CSMD1: variants seen among roughly 807,000 people sequenced by gnomAD.
CSMD1 encodes the protein CUB and sushi domain-containing protein 1.
In CSMD1, 213 loss-of-function variants were observed where a neutral mutation model predicts 417.5. The observed-to-expected ratio is 0.51, with a 90% CI of 0.46 to 0.57. The LOEUF is 0.57. Ranked by LOEUF, CSMD1 falls within the 20% of genes least tolerant of loss-of-function variation. CSMD1 has a pLI of 0.00. For missense variants in CSMD1, 6,923 were observed against 4,529.7 expected (o/e 1.53, Z -15.17); for synonymous variants, 2,862 against 1,736.8 (o/e 1.65, Z -16.11).
intron 3 of CSMD1, among the ~76,000 whole-genome samples, chr8:4,393,676 A>G (rs1804013337): frequency 1.3e-5 from 2 of 152,166 alleles, no homozygotes; most frequent in South Asian, 4.1e-4. Flanking sequence ...TCACACTCCT[A>G]TACTATAATT....
At chr8:3,642,642 G>A (rs1015979202) in intron 7 of CSMD1, among the ~76,000 whole-genome samples, 1 of 152,090 alleles carries the variant, frequency 6.6e-6, no homozygotes, top group African/African-American at 2.4e-5. Context: ...GCAGGTTAAC[G>A]GACGGTCGAT....
At chr8:4,420,098 A>T (rs550148254) in intron 2 of CSMD1, 33 bp from the exon 3 acceptor site, 1 of 1,465,290 alleles carries the variant, frequency 6.8e-7, no homozygotes, top group Admixed American at 2.0e-5. Context: ...AAAGAGAGTT[A>T]AAAGCATGAA....
chr8:4,030,025 C>T (rs2263473), intron 4 of CSMD1, among the ~76,000 whole-genome samples: 139,399 of 152,282 alleles, frequency 0.92, 63,827 homozygotes, highest in East Asian at 0.99. Context: ...AAGAGGTGAG[C>T]TCCAACAGTC....
intron 5 of CSMD1, among the ~76,000 whole-genome samples, chr8:3,799,424 G>A (rs1206422927): frequency 8.4e-6 from 1 of 119,048 alleles, no homozygotes; most frequent in Non-Finnish European, 1.6e-5. Context: ...AGGCCTTAGT[G>A]TGTGATGTTC....
intron 2 of CSMD1, among the ~76,000 whole-genome samples, chr8:4,607,358 C>A (rs995891870): frequency 6.6e-6 from 1 of 152,060 alleles, no homozygotes; most frequent in South Asian, 2.1e-4. Flanking sequence ...GCTATTGATT[C>A]TGAGACAGGA....
intron 7 of CSMD1, among the ~76,000 whole-genome samples, chr8:3,676,944 G>C (rs1368676230): frequency 6.6e-6 from 1 of 152,018 alleles, no homozygotes; most frequent in African/African-American, 2.4e-5. Flanking sequence ...ATAAGTGGGA[G>C]TTAAACAATG....
intron 1 of CSMD1, among the ~76,000 whole-genome samples, chr8:4,692,800 C>T (rs1371938898): frequency 6.6e-6 from 1 of 152,182 alleles, no homozygotes; most frequent in African/African-American, 2.4e-5. Flanking sequence ...CCCTGGAATT[C>T]TCAAATTTTT....
At chr8:3,173,063 G>C (rs552999219) in intron 37 of CSMD1, among the ~76,000 whole-genome samples, 1 of 152,282 alleles carries the variant, frequency 6.6e-6, no homozygotes, top group East Asian at 1.9e-4. Flanking sequence ...AAACTCCAAA[G>C]ACTTGTGGAG....
chr8:4,084,276 G>A (rs1165938108), intron 3 of CSMD1, among the ~76,000 whole-genome samples: 15 of 149,222 alleles, frequency 1.0e-4, no homozygotes, highest in African/African-American at 3.0e-4. Flanking sequence ...ACAAAAATTG[G>A]AAAAATCTTT....
At position 3,205,799 on chromosome 8, in the gene CSMD1, G is replaced by T. The variant is rs112919600; in HGVS notation, c.4868-179C>A. Among the ~76,000 whole-genome samples, 490 of 152,208 alleles carry T rather than the reference G, an allele frequency of 3.2e-3. 5 individuals are homozygous for T. Among genetic ancestry groups the T allele is most frequent in the African/African-American group, 0.011 (457 of 41,528 alleles). On this transcript the variant is annotated intron_variant, in intron 30 of 69. Transcript: ENST00000635120. Reference sequence around the variant, plus strand: ...CATAGAAAGACAAAGATTTACCAGGGAAGAAGTAATCCAACTTAGGAGAAA... The same window carrying T: ...CATAGAAAGACAAAGATTTACCAGGTAAGAAGTAATCCAACTTAGGAGAAA...
chr8:4,876,281 A>G (rs1803038405), intron 1 of CSMD1, among the ~76,000 whole-genome samples: 1 of 152,096 alleles, frequency 6.6e-6, no homozygotes, highest in East Asian at 1.9e-4. Flanking sequence ...CATATGCTGC[A>G]ATCATTGCTT....
intron 2 of CSMD1, among the ~76,000 whole-genome samples, chr8:4,460,205 T>C (rs1033354113): frequency 6.6e-6 from 1 of 151,966 alleles, no homozygotes; most frequent in Admixed American, 6.6e-5. Context: ...TGAGAAATAA[T>C]AGAATACGTG....
At chr8:3,952,090 C>G (rs1473052321) in intron 5 of CSMD1, among the ~76,000 whole-genome samples, 7 of 152,184 alleles carry the variant, frequency 4.6e-5, no homozygotes, top group East Asian at 1.9e-4. Context: ...AAATAAAAAT[C>G]TTTAAATTTC....
At chr8:3,343,173 G>T in intron 23 of CSMD1, 121 bp downstream of exon 23, 1 of 756,600 alleles carries the variant, frequency 1.3e-6, no homozygotes, top group Non-Finnish European at 2.2e-6. Flanking sequence ...GAATTAAACT[G>T]CAATCAAAAA....
At chr8:4,722,182 C>A (rs1220356353) in intron 1 of CSMD1, among the ~76,000 whole-genome samples, 2 of 152,040 alleles carry the variant, frequency 1.3e-5, no homozygotes, top group African/African-American at 4.8e-5. Flanking sequence ...CACACACATG[C>A]TGACTATGGG....
chr8:2,999,408 C>A, intron 53 of CSMD1, among the ~76,000 whole-genome samples: 1 of 152,288 alleles, frequency 6.6e-6, no homozygotes, highest in East Asian at 1.9e-4. Flanking sequence ...CCTGCCTCAG[C>A]CTCCCAAAGT....
rs117456556 is a variant in CSMD1, at chr8:4,726,507, T to G, written c.86-88949A>C. Among the ~76,000 whole-genome samples the G allele has an allele frequency of 7.8e-3, 1,195 of 152,280 alleles. 7 individuals carry two copies. The highest frequency in any genetic ancestry group is 0.024 in the Middle Eastern group (7 of 294). ...CTTCGTTTTTCAAATAAGACCTCAA[T>G]GGACAGGGCTTTAATGAGAATACAA... is the stretch of plus-strand genomic sequence containing the variant. On this transcript the variant is annotated intron_variant, in intron 1 of 69. Coordinates refer to ENST00000635120, the MANE Select transcript of CSMD1 (RefSeq NM_033225.6).
chr8:4,607,404 C>G (rs991242330), intron 2 of CSMD1, among the ~76,000 whole-genome samples: 1 of 152,040 alleles, frequency 6.6e-6, no homozygotes, highest in Admixed American at 6.6e-5. Flanking sequence ...TAGAAAATTG[C>G]AGGCAACAAC....
intron 12 of CSMD1, among the ~76,000 whole-genome samples, chr8:3,439,309 A>ATATTTT: frequency 0.014 from 868 of 62,300 alleles, 21 homozygotes; most frequent in East Asian, 0.034. Flanking sequence ...ATATATATAT[A>ATATTTT]TTTTTTTTTT....
Sources: gnomAD v4.1 joint callset for allele counts (sites outside exome capture counted in the v4.1 genomes callset) on GRCh38, gnomAD v4.1.1 for gene constraint, MANE v1.5 for transcripts, NCBI Gene and HGNC (gene_info 2026-07-23, HGNC 2026-07-21) for gene names.